FOXP1: variants seen among roughly 807,000 people sequenced by gnomAD.
FOXP1 encodes forkhead box P1.
In FOXP1, 15 loss-of-function variants were observed where a neutral mutation model predicts 98.2. That is an observed-to-expected ratio of 0.15 (90% CI 0.10 to 0.24). The LOEUF (loss-of-function observed/expected upper bound fraction) is 0.24, where lower values mean the gene tolerates loss of function less well. Among genes scored for constraint, FOXP1 ranks in the 10% least tolerant of loss-of-function variants. The pLI, the probability that FOXP1 is intolerant of heterozygous loss-of-function variation, is 1.00. For missense variants in FOXP1, 633 were observed against 848.5 expected (o/e 0.75, Z 3.15); for synonymous variants, 371 against 314.5 (o/e 1.18, Z -1.90).
chr3:71,481,909 C>T (rs567317525), intron 3 of FOXP1, among the ~76,000 whole-genome samples: 1 of 152,182 alleles, frequency 6.6e-6, no homozygotes, highest in South Asian at 2.1e-4. Context: ...TATGAAAACG[C>T]CCCACTCCAC....
intron 6 of FOXP1, among the ~76,000 whole-genome samples, chr3:71,157,460 C>A (rs757797799): frequency 6.6e-6 from 1 of 152,068 alleles, no homozygotes; most frequent in Non-Finnish European, 1.5e-5. Flanking sequence ...GACATACCTG[C>A]CCCACAAAAA....
rs1210717594 is a variant in FOXP1 at position 71,579,290 on chromosome 3, T to TA, written c.-298+2258dup. 5.3e-5 allele frequency among the ~76,000 whole-genome samples: 8 copies of TA among 152,352 alleles called. No individual in the cohort carries two copies. In the East Asian group the frequency reaches 1.2e-3, roughly 22 times the overall value. ...CGATTTAAATATAAACACAAAATCTTAGACATCTCCAGCAATATAAACCCC... is the reference window on the plus strand; with the variant it reads ...CGATTTAAATATAAACACAAAATCTTAAGACATCTCCAGCAATATAAACCCC... On this transcript the variant is annotated intron_variant, in intron 2 of 20. Transcript: ENST00000649528.
chr3:71,061,877 A>G (rs973091061), intron 7 of FOXP1, among the ~76,000 whole-genome samples: 2 of 152,214 alleles, frequency 1.3e-5, no homozygotes, highest in African/African-American at 2.4e-5. Context: ...GAAGCTAGTC[A>G]CAACATTCTC....
intron 6 of FOXP1, among the ~76,000 whole-genome samples, chr3:71,149,303 C>T (rs1422448951): frequency 6.6e-6 from 1 of 152,214 alleles, no homozygotes; most frequent in Non-Finnish European, 1.5e-5. Context: ...ATGTTTCTTA[C>T]ATTATGCTTT....
At chr3:71,010,740 C>A (rs1004935331) in intron 12 of FOXP1, among the ~76,000 whole-genome samples, 7 of 152,030 alleles carry the variant, frequency 4.6e-5, no homozygotes, top group Admixed American at 1.3e-4. Context: ...ATTTTGGGTC[C>A]ACTGAAGCAA....
At position 71,581,600 on chromosome 3, in the gene FOXP1, G is replaced by A. The variant is rs2048175053; in HGVS notation, c.-349C>T. 4 of 985,560 alleles carry A rather than the reference G, an allele frequency of 4.1e-6. No individual in the cohort carries two copies. Among genetic ancestry groups the A allele is most frequent in the Admixed American group, 6.1e-5 (1 of 16,278 alleles). 61.1% of individuals were successfully genotyped at this position (985,560 alleles called of 1,614,324 possible). On this transcript the variant is annotated 5_prime_UTR_variant, in exon 2 of 21. Coordinates refer to ENST00000649528, the MANE Select transcript of FOXP1 (RefSeq NM_001349338.3). ...GCGCCGCCTTCACGCCCGCGGAGGA[G>A]GCGCCGGCAGCACCATGGTCCCCGG...
chr3:71,197,846 T>C, intron 6 of FOXP1: 1 of 1,605,498 alleles, frequency 6.2e-7, no homozygotes. Flanking sequence ...TGTTTTTCGT[T>C]TAATTTTTAT....
At chr3:71,229,533 C>T (rs932566643) in intron 5 of FOXP1, among the ~76,000 whole-genome samples, 1 of 152,080 alleles carries the variant, frequency 6.6e-6, no homozygotes, top group Non-Finnish European at 1.5e-5. Flanking sequence ...GAATGCAAAG[C>T]ATAGCTTCAG....
chr3:71,041,350 C>T lies in FOXP1; in HGVS notation c.847G>A (p.Val283Ile). ...PHASTNGQLS[V>I]HTPKRESLSH... ...TACCTTTCCCTTTTGGGAGTGTGGA[C>T]TGAGAGCTGTCCATTGGTAGAGGCA... The change falls in exon 11 of 21, where the codon GTC becomes ATC. Residue 283 changes from valine (V) to isoleucine (I), a missense_variant. Physicochemically the swap from Val to Ile is conservative, Grantham distance 29. Coordinates refer to ENST00000649528, the MANE Select transcript of FOXP1 (RefSeq NM_001349338.3). 1 of 1,613,576 alleles carries T rather than the reference C, an allele frequency of 6.2e-7. No homozygotes were observed. Among genetic ancestry groups the T allele is most frequent in the Non-Finnish European group, 8.5e-7 (1 of 1,179,728 alleles).
At chr3:71,291,304 A>G (rs1267726997) in intron 5 of FOXP1, among the ~76,000 whole-genome samples, 2 of 152,270 alleles carry the variant, frequency 1.3e-5, no homozygotes. Context: ...TATTTTATTT[A>G]ACCTAATGTA....
chr3:71,458,963 T>C (rs2087761070), intron 3 of FOXP1, among the ~76,000 whole-genome samples: 1 of 152,236 alleles, frequency 6.6e-6, no homozygotes, highest in Non-Finnish European at 1.5e-5. Flanking sequence ...ACCAAGTTGC[T>C]ATTATCAGAA....
At chr3:71,202,332 T>C (rs2063728781) in intron 5 of FOXP1, among the ~76,000 whole-genome samples, 1 of 152,196 alleles carries the variant, frequency 6.6e-6, no homozygotes, top group Admixed American at 6.5e-5. Flanking sequence ...AAATTTCCCA[T>C]AATCTCCCAC....
intron 11 of FOXP1, among the ~76,000 whole-genome samples, chr3:71,026,534 T>C (rs1306887428): frequency 6.6e-6 from 1 of 152,156 alleles, no homozygotes; most frequent in Non-Finnish European, 1.5e-5. Flanking sequence ...CAGCACAGTG[T>C]AGTGTGTCTG....
At chr3:71,206,432 A>C (rs973032493) in intron 5 of FOXP1, among the ~76,000 whole-genome samples, 1 of 152,224 alleles carries the variant, frequency 6.6e-6, no homozygotes, top group African/African-American at 2.4e-5. Flanking sequence ...CTGAATATAT[A>C]TATGGACAAT....
chr3:71,200,927 T>C (rs2063634302), intron 5 of FOXP1, among the ~76,000 whole-genome samples: 1 of 152,186 alleles, frequency 6.6e-6, no homozygotes, highest in Non-Finnish European at 1.5e-5. Context: ...TATAGCATGA[T>C]CCAACTTGAT....
chr3:71,501,512 C>T (rs1431507143), intron 2 of FOXP1, among the ~76,000 whole-genome samples: 1 of 152,048 alleles, frequency 6.6e-6, no homozygotes, highest in Non-Finnish European at 1.5e-5. Context: ...CCAGGATGGT[C>T]TCAATCTCCT....
intron 6 of FOXP1, among the ~76,000 whole-genome samples, chr3:71,124,452 A>G (rs1034551520): frequency 1.3e-5 from 2 of 151,986 alleles, no homozygotes; most frequent in Non-Finnish European, 1.5e-5. Context: ...TAAAGTATGT[A>G]AAATAACTAC....
chr3:70,967,113 GAAGAA>G (rs1260307565), intron 19 of FOXP1, among the ~76,000 whole-genome samples: 8 of 152,180 alleles, frequency 5.3e-5, no homozygotes, highest in Admixed American at 5.2e-4. Context: ...ATCCTAATGA[GAAGAA>G]AAGTACATTA....
chr3:71,314,083 T>C (rs2074901869), intron 4 of FOXP1, among the ~76,000 whole-genome samples: 1 of 152,090 alleles, frequency 6.6e-6, no homozygotes, highest in Admixed American at 6.5e-5. Context: ...GTAGAATAAA[T>C]GCATTGACAT....
Sources: allele counts gnomAD v4.1 joint callset (sites outside exome capture counted in the v4.1 genomes callset), GRCh38; gene constraint gnomAD v4.1.1; transcripts MANE v1.5; gene names NCBI Gene and HGNC (gene_info 2026-07-23, HGNC 2026-07-21).